The following BLTP3A variants were observed in gnomAD, a reference collection of about 807,000 sequenced individuals.
BLTP3A encodes the protein bridge-like lipid transfer protein family member 3A.
the BLTP3A span, among the ~76,000 whole-genome samples, chr6:34,813,224 C>T: frequency 6.6e-6 from 1 of 152,096 alleles, no homozygotes; most frequent in Admixed American, 6.6e-5. Flanking sequence ...GGGTTAAGTC[C>T]CATTTCTGTT....
At chr6:34,802,080 G>C in the BLTP3A span, among the ~76,000 whole-genome samples, 3 of 152,144 alleles carry the variant, frequency 2.0e-5, 1 homozygote, top group South Asian at 6.2e-4. Context: ...AAACTGCCAT[G>C]AGGGAAGATC....
At chr6:34,805,400 CTGGCCAACA>C in the BLTP3A span, among the ~76,000 whole-genome samples, 1 of 151,954 alleles carries the variant, frequency 6.6e-6, no homozygotes, top group Non-Finnish European at 1.5e-5. Flanking sequence ...TGAGACAAGC[CTGGCCAACA>C]TGGCAAAACC....
the BLTP3A span, among the ~76,000 whole-genome samples, chr6:34,870,573 T>G: frequency 6.6e-6 from 1 of 152,192 alleles, no homozygotes; most frequent in African/African-American, 2.4e-5. Context: ...TGTCTCACAT[T>G]CATAACAAGG....
the BLTP3A span, chr6:34,867,139 A>AT: frequency 7.2e-7 from 1 of 1,397,258 alleles, no homozygotes; most frequent in Non-Finnish European, 9.5e-7. Flanking sequence ...ATTTTGTTTT[A>AT]TTTTTACAGT....
At chr6:34,855,237 C>T in the BLTP3A span, among the ~76,000 whole-genome samples, 2 of 152,120 alleles carry the variant, frequency 1.3e-5, no homozygotes, top group East Asian at 3.8e-4. Context: ...GCTTCTGCCT[C>T]TTCGTGTGTT....
the BLTP3A span, chr6:34,834,543 A>C: frequency 7.3e-7 from 1 of 1,370,250 alleles, no homozygotes; most frequent in South Asian, 1.4e-5. Context: ...CTTTCTGTCC[A>C]GTGTTACTGC....
chr6:34,828,787 A>G, the BLTP3A span, among the ~76,000 whole-genome samples: 1 of 151,932 alleles, frequency 6.6e-6, no homozygotes, highest in Non-Finnish European at 1.5e-5. Context: ...CAGCACTTTA[A>G]GAGGCCGAGG....
chr6:34,801,021 C>T, the BLTP3A span, among the ~76,000 whole-genome samples: 3 of 152,098 alleles, frequency 2.0e-5, no homozygotes, highest in African/African-American at 7.2e-5. Flanking sequence ...GAGATTACAG[C>T]CACCGCATCT....
chr6:34,831,379 C>T, the BLTP3A span, among the ~76,000 whole-genome samples: 3 of 152,288 alleles, frequency 2.0e-5, no homozygotes, highest in Non-Finnish European at 2.9e-5. Context: ...CCACCCGCCT[C>T]GGCCTCCCAA....
chr6:34,825,430 C>T, the BLTP3A span, among the ~76,000 whole-genome samples: 169 of 152,288 alleles, frequency 1.1e-3, no homozygotes, highest in Non-Finnish European at 2.1e-3. Flanking sequence ...GCCTCCGCCT[C>T]CCAGGTAGCT....
the BLTP3A span, among the ~76,000 whole-genome samples, chr6:34,824,953 G>A: frequency 6.6e-6 from 1 of 152,164 alleles, no homozygotes; most frequent in African/African-American, 2.4e-5. Flanking sequence ...TTACAGGCGT[G>A]AACCACTGTG....
the BLTP3A span, among the ~76,000 whole-genome samples, chr6:34,814,136 C>T: frequency 6.6e-6 from 1 of 152,194 alleles, no homozygotes; most frequent in Non-Finnish European, 1.5e-5. Context: ...TGTGCCTCAA[C>T]TTCCCAAGTA....
the BLTP3A span, chr6:34,821,860 G>A: frequency 4.8e-5 from 77 of 1,613,954 alleles, no homozygotes; most frequent in East Asian, 1.7e-3. Context: ...TGGCCAGTAG[G>A]CCTGCTTTCT....
chr6:34,792,277 C>T, the BLTP3A span: 1 of 1,545,214 alleles, frequency 6.5e-7, no homozygotes, highest in Non-Finnish European at 8.7e-7. Flanking sequence ...AGAAGCAGAT[C>T]CTGAAACACC....
the BLTP3A span, among the ~76,000 whole-genome samples, chr6:34,792,587 C>T: frequency 1.3e-5 from 2 of 152,184 alleles, no homozygotes; most frequent in African/African-American, 4.8e-5. Context: ...CCTCAAGGCC[C>T]TTCTGGCCTG....
At chr6:34,811,686 G>A in the BLTP3A span, among the ~76,000 whole-genome samples, 610 of 90,874 alleles carry the variant, frequency 6.7e-3, 17 homozygotes, top group African/African-American at 0.029. Flanking sequence ...CCCCCCCCCC[G>A]CATCTCTACT....
the BLTP3A span, chr6:34,867,084 C>T: frequency 1.2e-5 from 10 of 856,848 alleles, no homozygotes; most frequent in Non-Finnish European, 1.7e-5. Flanking sequence ...CATCAAATAT[C>T]TAGTTAGTCC....
chr6:34,847,928 T>TTTTTTTTA, the BLTP3A span, among the ~76,000 whole-genome samples: 28 of 134,664 alleles, frequency 2.1e-4, 2 homozygotes, highest in African/African-American at 8.2e-4. Flanking sequence ...TTCCTTTTTT[T>TTTTTTTTA]TTTTTTTTTT....
the BLTP3A span, chr6:34,871,648 ATGT>A: frequency 2.5e-6 from 4 of 1,614,100 alleles, no homozygotes; most frequent in Non-Finnish European, 3.4e-6. Flanking sequence ...GCCATGGAAC[ATGT>A]TGTGCTGAAG....
Sources: gnomAD v4.1 joint callset for allele counts (sites outside exome capture counted in the v4.1 genomes callset) on GRCh38, gnomAD v4.1.1 for gene constraint, MANE v1.5 for transcripts, NCBI Gene and HGNC (gene_info 2026-07-23, HGNC 2026-07-21) for gene names.